Variants in EML4 observed in about 807,000 individuals in gnomAD.
EML4 encodes the protein echinoderm microtubule-associated protein-like 4.
Under a neutral mutation model 129.0 loss-of-function variants are expected in EML4, and 72 were observed. The observed-to-expected ratio is 0.56, with a 90% CI of 0.46 to 0.68. EML4 has a LOEUF of 0.68. Among genes scored for constraint, EML4 ranks in the 30% least tolerant of loss-of-function variants. The pLI is 0.00. For synonymous variants in EML4, 532 were observed against 405.0 expected, an observed-to-expected ratio of 1.31 and a Z score of -3.77; for missense variants, 1,363 against 1,190.6, an observed-to-expected ratio of 1.14 and a Z score of -2.13.
chr2:42,325,260 G>A (rs1669726176), intron 19 of EML4: 1 of 611,770 alleles, frequency 1.6e-6, no homozygotes, highest in Non-Finnish European at 3.1e-6. Flanking sequence ...CTAGTTTCTG[G>A]TATCTAGATA....
intron 1 of EML4, among the ~76,000 whole-genome samples, chr2:42,175,730 C>T (rs1670563085): frequency 6.6e-6 from 1 of 152,036 alleles, no homozygotes; most frequent in African/African-American, 2.4e-5. Context: ...AACTGCTGTC[C>T]TCAAGTGATC....
At chr2:42,286,665 A>G (rs368837399) in intron 10 of EML4, among the ~76,000 whole-genome samples, 2 of 152,254 alleles carry the variant, frequency 1.3e-5, no homozygotes, top group Non-Finnish European at 1.5e-5. Context: ...TTAGAGGAAT[A>G]TATACAAAGC....
chr2:42,205,041 A>C (rs1032782330), intron 1 of EML4, among the ~76,000 whole-genome samples: 1 of 152,186 alleles, frequency 6.6e-6, no homozygotes, highest in African/African-American at 2.4e-5. Context: ...TAATCATCCA[A>C]AGAACTTTGA....
intron 7 of EML4, 104 bp from the exon 8 acceptor site, chr2:42,282,719 A>G (rs1371710362): frequency 6.0e-6 from 6 of 1,007,014 alleles, no homozygotes; most frequent in African/African-American, 1.6e-5. Context: ...GTTCTAGTTC[A>G]GTCTTCTTCA....
At chr2:42,228,073 T>G (rs184377639) in intron 1 of EML4, among the ~76,000 whole-genome samples, 1 of 152,046 alleles carries the variant, frequency 6.6e-6, no homozygotes, top group African/African-American at 2.4e-5. Context: ...TACAAAAAAT[T>G]AGCTGGACAT....
chr2:42,176,801 TA>T (rs2103812520), intron 1 of EML4, among the ~76,000 whole-genome samples: 2 of 152,306 alleles, frequency 1.3e-5, no homozygotes, highest in East Asian at 1.9e-4. Flanking sequence ...TTTATTTATT[TA>T]TTTTTTTATG....
chr2:42,174,359 C>A (rs1371219965), intron 1 of EML4, among the ~76,000 whole-genome samples: 1 of 152,018 alleles, frequency 6.6e-6, no homozygotes, highest in Non-Finnish European at 1.5e-5. Context: ...GGCACGATCT[C>A]AGCTCACTGC....
chr2:42,215,208 C>T (rs1463080155), intron 1 of EML4, among the ~76,000 whole-genome samples: 1 of 152,152 alleles, frequency 6.6e-6, no homozygotes, highest in Non-Finnish European at 1.5e-5. Flanking sequence ...TACCGATGCA[C>T]ACCACCACGC....
intron 16 of EML4, among the ~76,000 whole-genome samples, chr2:42,303,780 C>A (rs1668438242): frequency 6.6e-6 from 1 of 152,044 alleles, no homozygotes; most frequent in Admixed American, 6.6e-5. Flanking sequence ...AAAAAATTAG[C>A]CAGGCGTGGT....
intron 1 of EML4, among the ~76,000 whole-genome samples, chr2:42,243,107 T>A (rs58429920): frequency 0.13 from 19,077 of 152,104 alleles, 1,257 homozygotes; most frequent in Middle Eastern, 0.23. Context: ...TTTATACAAC[T>A]GAAAAGGTCA....
intron 1 of EML4, among the ~76,000 whole-genome samples, chr2:42,180,029 G>A (rs1206069791): frequency 6.6e-6 from 1 of 152,222 alleles, no homozygotes; most frequent in Non-Finnish European, 1.5e-5. Flanking sequence ...TTTGGTGAAA[G>A]CTATGTGGAT....
Position 42,270,842 on chromosome 2 carries a change from C to T in EML4, c.667+6111C>T, listed in dbSNP as rs193299023. Among the ~76,000 whole-genome samples, 18 of 152,280 alleles carry T rather than the reference C, an allele frequency of 1.2e-4. 2 individuals are homozygous for T. In the South Asian group the frequency reaches 3.1e-3, roughly 26 times the overall value. On this transcript the variant is annotated intron_variant, in intron 6 of 22. Transcript: ENST00000318522. ...GTTGAGTGTGGATAAACAGAAAGGA[C>T]GGAAGACCAATGCATTTCCAGTGGA... is the stretch of plus-strand genomic sequence containing the variant.
intron 1 of EML4, among the ~76,000 whole-genome samples, chr2:42,174,456 A>G (rs1476029011): frequency 6.6e-6 from 1 of 151,836 alleles, no homozygotes; most frequent in East Asian, 1.9e-4. Flanking sequence ...ACACCTGGCT[A>G]ATTTTTGTAT....
intron 1 of EML4, among the ~76,000 whole-genome samples, chr2:42,188,072 A>G (rs965455659): frequency 6.6e-6 from 1 of 152,122 alleles, no homozygotes; most frequent in Admixed American, 6.5e-5. Flanking sequence ...GCACAATTGA[A>G]CTAATCGGAA....
At chr2:42,196,606 A>G (rs1002496972) in intron 1 of EML4, among the ~76,000 whole-genome samples, 3 of 152,238 alleles carry the variant, frequency 2.0e-5, no homozygotes, top group Non-Finnish European at 4.4e-5. Context: ...CGAGAAGATT[A>G]GAGGCTTACT....
At chr2:42,271,270 C>A (rs913357710) in intron 6 of EML4, among the ~76,000 whole-genome samples, 1 of 152,174 alleles carries the variant, frequency 6.6e-6, no homozygotes, top group Non-Finnish European at 1.5e-5. Context: ...GGGCTTTGTC[C>A]AAGTATTCTC....
At chr2:42,210,930 C>T (rs1672851502) in intron 1 of EML4, among the ~76,000 whole-genome samples, 1 of 152,050 alleles carries the variant, frequency 6.6e-6, no homozygotes, top group African/African-American at 2.4e-5. Flanking sequence ...CTTGTGTTTA[C>T]CTTAAAAATT....
At chr2:42,203,727 A>G (rs1163251710) in intron 1 of EML4, among the ~76,000 whole-genome samples, 3 of 151,418 alleles carry the variant, frequency 2.0e-5, no homozygotes, top group African/African-American at 7.3e-5. Context: ...AAAAAAAAAC[A>G]GAGAGGATTA....
At chr2:42,250,325 A>G (rs1383747032) in intron 2 of EML4, among the ~76,000 whole-genome samples, 1 of 152,234 alleles carries the variant, frequency 6.6e-6, no homozygotes, top group Non-Finnish European at 1.5e-5. Flanking sequence ...CTAAAGGCAC[A>G]GATTTGTATC....
Sources: gnomAD v4.1 joint callset for allele counts (sites outside exome capture counted in the v4.1 genomes callset) on GRCh38, gnomAD v4.1.1 for gene constraint, MANE v1.5 for transcripts, NCBI Gene and HGNC (gene_info 2026-07-23, HGNC 2026-07-21) for gene names.